Variants in SGCZ observed in about 807,000 individuals in gnomAD.
SGCZ encodes sarcoglycan zeta, also known as zeta-sarcoglycan.
In SGCZ, 40 loss-of-function variants were observed where a neutral mutation model predicts 41.3. The observed-to-expected ratio is 0.97, with a 90% CI of 0.75 to 1.26. SGCZ has a LOEUF of 1.26. SGCZ is among the 50% of genes most tolerant of loss of function. The pLI, the probability that SGCZ is intolerant of heterozygous loss-of-function variation, is 0.00. For synonymous variants in SGCZ, 206 were observed against 137.5 expected, an observed-to-expected ratio of 1.50 and a Z score of -3.49; for missense variants, 552 against 369.8, an observed-to-expected ratio of 1.49 and a Z score of -4.04.
intron 4 of SGCZ, among the ~76,000 whole-genome samples, chr8:14,191,630 G>A (rs561940349): frequency 3.3e-5 from 5 of 152,310 alleles, no homozygotes; most frequent in African/African-American, 1.2e-4. Context: ...AGGGAAATGT[G>A]TAACCCTGAG....
intron 1 of SGCZ, among the ~76,000 whole-genome samples, chr8:14,896,436 C>CA (rs1563346471): frequency 3.5e-5 from 5 of 141,292 alleles, no homozygotes; most frequent in Admixed American, 6.8e-5. Flanking sequence ...TGATGGAAGA[C>CA]TTTTATTTAT....
At chr8:15,126,696 A>G (rs1220507530) in intron 1 of SGCZ, among the ~76,000 whole-genome samples, 2 of 152,208 alleles carry the variant, frequency 1.3e-5, no homozygotes, top group Non-Finnish European at 2.9e-5. Context: ...GTTGAGGCAC[A>G]ACAGGAAGAG....
chr8:14,192,553 G>T (rs554118147), intron 4 of SGCZ, among the ~76,000 whole-genome samples: 1 of 151,770 alleles, frequency 6.6e-6, no homozygotes, highest in Non-Finnish European at 1.5e-5. Flanking sequence ...TGATATTTGA[G>T]TTTTTATTCA....
chr8:14,150,449 G>A (rs1803665528), intron 5 of SGCZ, among the ~76,000 whole-genome samples: 1 of 152,072 alleles, frequency 6.6e-6, no homozygotes, highest in South Asian at 2.1e-4. Context: ...TATGAGAAAA[G>A]CAAATCAAAT....
chr8:14,108,043 G>A (rs758843526), intron 6 of SGCZ, 120 bp downstream of exon 6: 6 of 775,942 alleles, frequency 7.7e-6, no homozygotes, highest in Admixed American at 3.2e-5. Flanking sequence ...ATTCATTTTT[G>A]TATTTATTTT....
intron 5 of SGCZ, among the ~76,000 whole-genome samples, chr8:14,145,674 T>G (rs558871544): frequency 6.6e-6 from 1 of 152,192 alleles, no homozygotes; most frequent in Non-Finnish European, 1.5e-5. Flanking sequence ...AAAATAGCTA[T>G]GTTGAGAAAA....
At chr8:15,222,126 G>C (rs1209052728) in intron 1 of SGCZ, among the ~76,000 whole-genome samples, 2 of 151,988 alleles carry the variant, frequency 1.3e-5, no homozygotes, top group Non-Finnish European at 2.9e-5. Flanking sequence ...TCCAAAAGAG[G>C]GCTTTGTAAA....
intron 2 of SGCZ, among the ~76,000 whole-genome samples, chr8:14,409,805 A>G (rs1799311420): frequency 6.6e-6 from 1 of 152,218 alleles, no homozygotes; most frequent in Admixed American, 6.5e-5. Flanking sequence ...TACCAGTTTG[A>G]AAATATTGCT....
chr8:14,973,215 A>G (rs1364763460), intron 1 of SGCZ, among the ~76,000 whole-genome samples: 2 of 152,160 alleles, frequency 1.3e-5, no homozygotes, highest in Non-Finnish European at 2.9e-5. Context: ...TATCTTTCTC[A>G]AAAACCCAGG....
chr8:15,165,228 A>C (rs59511154), intron 1 of SGCZ, among the ~76,000 whole-genome samples: 52 of 152,210 alleles, frequency 3.4e-4, no homozygotes, highest in Non-Finnish European at 5.4e-4. Context: ...CAGAGGTTGC[A>C]GTGAGCCGAG....
chr8:15,179,837 T>C (rs574226895), intron 1 of SGCZ, among the ~76,000 whole-genome samples: 1 of 152,244 alleles, frequency 6.6e-6, no homozygotes, highest in Non-Finnish European at 1.5e-5. Flanking sequence ...GTAAAGGTAC[T>C]TTTCTCAAAC....
intron 7 of SGCZ, among the ~76,000 whole-genome samples, chr8:14,094,381 G>A (rs1801779979): frequency 6.6e-6 from 1 of 151,918 alleles, no homozygotes; most frequent in African/African-American, 2.4e-5. Context: ...AGGAGTACAT[G>A]TGGTGTTTGG....
intron 1 of SGCZ, among the ~76,000 whole-genome samples, chr8:15,046,567 G>C (rs999823832): frequency 6.6e-6 from 1 of 151,854 alleles, no homozygotes; most frequent in African/African-American, 2.4e-5. Context: ...CCTTCCAGTG[G>C]AGTAAGATAT....
chr8:15,026,645 T>C (rs1423765519), intron 1 of SGCZ, among the ~76,000 whole-genome samples: 3 of 152,182 alleles, frequency 2.0e-5, no homozygotes, highest in Non-Finnish European at 4.4e-5. Flanking sequence ...AGAGCTCAGC[T>C]TGAGAGATTC....
intron 3 of SGCZ, among the ~76,000 whole-genome samples, chr8:14,323,616 G>A (rs1375228931): frequency 1.3e-5 from 2 of 151,980 alleles, no homozygotes; most frequent in Admixed American, 6.6e-5. Context: ...CATATTTGAA[G>A]GATAAATATT....
chr8:14,594,111 G>T (rs1805328521), intron 1 of SGCZ, among the ~76,000 whole-genome samples: 1 of 151,666 alleles, frequency 6.6e-6, no homozygotes. Context: ...GGAGGTGGAG[G>T]TTACAGTGAG....
chr8:14,829,900 C>T (rs1450136726), intron 1 of SGCZ, among the ~76,000 whole-genome samples: 3 of 152,172 alleles, frequency 2.0e-5, no homozygotes, highest in African/African-American at 7.2e-5. Flanking sequence ...CAAGCTCCGC[C>T]TCCCGGGTTC....
At chr8:14,361,123 T>C (rs7000624) in intron 2 of SGCZ, among the ~76,000 whole-genome samples, 12,771 of 152,262 alleles carry the variant, frequency 0.084, 1,624 homozygotes, top group African/African-American at 0.28. Flanking sequence ...GACTCGCTAA[T>C]TGGATTGTTT....
At chr8:14,240,215 C>G (rs1798820511) in intron 3 of SGCZ, among the ~76,000 whole-genome samples, 1 of 151,202 alleles carries the variant, frequency 6.6e-6, no homozygotes, top group Admixed American at 6.6e-5. Context: ...GTAATCCCAG[C>G]TACTCGGGAG....
Sources: gnomAD v4.1 joint callset for allele counts (sites outside exome capture counted in the v4.1 genomes callset) on GRCh38, gnomAD v4.1.1 for gene constraint, MANE v1.5 for transcripts, NCBI Gene and HGNC (gene_info 2026-07-23, HGNC 2026-07-21) for gene names.